The following CENPE variants were observed in gnomAD, a reference collection of about 807,000 sequenced individuals.
CENPE encodes centromere protein E.
Under a neutral mutation model 336.1 loss-of-function variants are expected in CENPE, and 145 were observed. The observed-to-expected ratio is 0.43, with a 90% confidence interval of 0.38 to 0.50. The LOEUF is 0.50. Among genes scored for constraint, CENPE ranks in the 20% least tolerant of loss-of-function variants. CENPE has a pLI of 0.00. For missense variants in CENPE, 2,719 were observed against 3,023.3 expected, an observed-to-expected ratio of 0.90 and a Z score of 2.36; for synonymous variants, 1,013 against 984.8, an observed-to-expected ratio of 1.03 and a Z score of -0.54.
chr4:103,107,578 A>G (rs1483494113), intron 48 of CENPE, among the ~76,000 whole-genome samples: 1 of 152,180 alleles, frequency 6.6e-6, no homozygotes, highest in African/African-American at 2.4e-5. Context: ...ATGTGGTGAG[A>G]AAGACTACAA....
intron 48 of CENPE, 62 bp downstream of exon 48, chr4:103,108,741 A>G (rs1028428585): frequency 6.9e-7 from 1 of 1,453,016 alleles, no homozygotes; most frequent in Non-Finnish European, 9.4e-7. Flanking sequence ...TTGGGATCAC[A>G]TATTAATGAT....
intron 2 of CENPE, 137 bp downstream of exon 2, chr4:103,196,622 A>G: frequency 1.6e-6 from 1 of 609,124 alleles, no homozygotes; most frequent in Non-Finnish European, 3.0e-6. Flanking sequence ...ATGGATAAAC[A>G]ATTTTGTTTC....
In CENPE at chr4:103,106,306, A is replaced by G. The variant is rs763413612; in HGVS notation, c.8022T>C (p.Asn2674=). The part of the protein sequence containing the change: ...SSLGLCPEVQ[N]AGAESVDSQP... Reference sequence around the variant, plus strand: ...GAGAATCCACACTCTCTGCTCCTGCATTTTGCACCTCTGAGAAAGAAAATG... The same window carrying G: ...GAGAATCCACACTCTCTGCTCCTGCGTTTTGCACCTCTGAGAAAGAAAATG... Residue 2674 remains asparagine (N), a synonymous_variant, in exon 49 of 49, where the codon AAT becomes AAC. Transcript: ENST00000265148. The G allele has an allele frequency of 5.7e-6, 9 of 1,588,008 alleles. No homozygotes were observed. The South Asian group carries it at 8.1e-5, about 14-fold the overall frequency.
chr4:103,189,618 G>C (rs1245840831), intron 8 of CENPE, among the ~76,000 whole-genome samples: 2 of 152,026 alleles, frequency 1.3e-5, no homozygotes, highest in African/African-American at 4.8e-5. Flanking sequence ...CTCTCAATAA[G>C]TTAGGTATTG....
At chr4:103,192,330 A>G (rs1757426278) in intron 8 of CENPE, among the ~76,000 whole-genome samples, 1 of 152,220 alleles carries the variant, frequency 6.6e-6, no homozygotes, top group Admixed American at 6.5e-5. Flanking sequence ...ATATTCAAAG[A>G]TACTCAGAGG....
intron 9 of CENPE, among the ~76,000 whole-genome samples, chr4:103,183,785 T>C (rs568675171): frequency 2.7e-5 from 4 of 149,986 alleles, no homozygotes; most frequent in Non-Finnish European, 5.9e-5. Context: ...AGGAAACCAC[T>C]GTTATTAGTT....
rs1273627991 is a variant in CENPE, at chr4:103,158,922, AG to A, written c.2602-37del. Reference sequence around the variant, plus strand: ...GAAAAAGTAAATGTCACACAGTAAAAGCAGAGCAGTCTGAGGCATACATATA... The same window carrying A: ...GAAAAAGTAAATGTCACACAGTAAAACAGAGCAGTCTGAGGCATACATATA... On this transcript the variant is annotated intron_variant, in intron 22 of 48. Coordinates refer to ENST00000265148, the MANE Select transcript of CENPE (RefSeq NM_001813.3). The A allele has an allele frequency of 8.3e-6, 13 of 1,572,840 alleles. No individual in the cohort carries two copies. In the South Asian group the frequency reaches 1.5e-4, roughly 18 times the overall value.
At chr4:103,141,395 A>G (rs1267606175) in intron 35 of CENPE, among the ~76,000 whole-genome samples, 5 of 152,088 alleles carry the variant, frequency 3.3e-5, no homozygotes, top group Admixed American at 6.5e-5. Flanking sequence ...CTTCCTAGAG[A>G]CAGCCACTAT....
chr4:103,109,027 G>C lies in CENPE; in HGVS notation c.7787C>G (p.Ala2596Gly). ...ATTCTCACAAGTTACTTGTTTGTGA[G>C]CCTCTCTTTTAAGGGTTCTTTCCTT... Reference protein sequence around the residue: ...TWKERTLKREAHKQVTCENSP... With the variant: ...TWKERTLKREGHKQVTCENSP... Residue 2596 changes from alanine to glycine, a missense_variant, in exon 48 of 49, where the codon GCT becomes GGT. Physicochemically the swap from Ala to Gly is moderately conservative, Grantham distance 60. This residue lies in a region of CENPE where 2,437 missense variants were observed against 2,513.3 expected (regional missense o/e 0.97). Coordinates refer to ENST00000265148, the MANE Select transcript of CENPE (RefSeq NM_001813.3). 5.0e-6 allele frequency: 8 copies of C among 1,613,660 alleles called. No individual in the cohort carries two copies. Among genetic ancestry groups the C allele is most frequent in the Non-Finnish European group, 6.8e-6 (8 of 1,179,720 alleles).
intron 8 of CENPE, among the ~76,000 whole-genome samples, chr4:103,191,559 A>C (rs1303685619): frequency 6.6e-6 from 1 of 150,540 alleles, no homozygotes; most frequent in Non-Finnish European, 1.5e-5. Context: ...CAAAAAACCA[A>C]ACACCGCATG....
intron 36 of CENPE, among the ~76,000 whole-genome samples, 162 bp downstream of exon 36, chr4:103,140,652 A>C (rs1197728207): frequency 6.6e-6 from 1 of 151,508 alleles, no homozygotes; most frequent in African/African-American, 2.4e-5. Context: ...AGAATACCCC[A>C]TTCTTATGCT....
At chr4:103,132,080 A>G (rs1490568769) in intron 42 of CENPE, among the ~76,000 whole-genome samples, 1 of 152,124 alleles carries the variant, frequency 6.6e-6, no homozygotes, top group East Asian at 1.9e-4. Flanking sequence ...CCAAGTGTGA[A>G]CCCTAATGTA....
chr4:103,163,590 A>G, intron 16 of CENPE, 37 bp from the exon 17 acceptor site: 1 of 939,384 alleles, frequency 1.1e-6, no homozygotes, highest in Non-Finnish European at 1.5e-6. Context: ...GAGCAAACCA[A>G]TAGTTAATAA....
chr4:103,155,903 G>A (rs537056808), intron 24 of CENPE, among the ~76,000 whole-genome samples: 7 of 152,176 alleles, frequency 4.6e-5, no homozygotes, highest in Middle Eastern at 3.4e-3. Flanking sequence ...AATGTATTCT[G>A]TTAAAAATGC....
chr4:103,138,204 C>A (rs780893420), intron 39 of CENPE, 147 bp downstream of exon 39: 4 of 629,074 alleles, frequency 6.4e-6, no homozygotes, highest in Non-Finnish European at 8.6e-6. Flanking sequence ...TGCATTATAC[C>A]CACACACCTG....
intron 13 of CENPE, among the ~76,000 whole-genome samples, chr4:103,180,030 A>G (rs1413633174): frequency 6.6e-6 from 1 of 152,206 alleles, no homozygotes; most frequent in Non-Finnish European, 1.5e-5. Flanking sequence ...CTAGAAACCT[A>G]TGGCTTCCAA....
At chr4:103,160,886 G>A in intron 20 of CENPE, 107 bp from the exon 21 acceptor site, 1 of 1,073,494 alleles carries the variant, frequency 9.3e-7, no homozygotes, top group South Asian at 1.8e-5. Flanking sequence ...AAGTTTATTT[G>A]AAAAATAATC....
At chr4:103,122,659 A>G (rs760432109) in intron 43 of CENPE, among the ~76,000 whole-genome samples, 1 of 152,220 alleles carries the variant, frequency 6.6e-6, no homozygotes, top group Non-Finnish European at 1.5e-5. Context: ...ATGAAGCTAC[A>G]ATTTATGTTT....
At chr4:103,196,063 G>C (rs779172268) in intron 3 of CENPE, 25 bp from the exon 4 acceptor site, 1 of 1,592,502 alleles carries the variant, frequency 6.3e-7, no homozygotes, top group African/African-American at 1.3e-5. Flanking sequence ...ACACACATAC[G>C]CAAAGATTAA....
Sources: allele counts gnomAD v4.1 joint callset (sites outside exome capture counted in the v4.1 genomes callset), GRCh38; gene constraint gnomAD v4.1.1; regional missense constraint gnomAD v4.1.1; transcripts MANE v1.5; gene names NCBI Gene and HGNC (gene_info 2026-07-23, HGNC 2026-07-21).